HECA: variants seen among roughly 807,000 people sequenced by gnomAD.
HECA encodes headcase protein homolog.
HECA carries 13 observed loss-of-function variants against 37.6 expected under a neutral mutation model. The ratio of observed to expected loss-of-function variants is 0.35; its 90% CI spans 0.23 to 0.55. The LOEUF (loss-of-function observed/expected upper bound fraction) is 0.55. Among genes scored for constraint, HECA ranks in the 20% least tolerant of loss-of-function variants. The probability of loss-of-function intolerance (pLI) is 0.90; values close to 1 mark genes in which losing one functional copy is unlikely to be tolerated. For synonymous variants in HECA, 307 were observed against 291.5 expected, an observed-to-expected ratio of 1.05 and a Z score of -0.54; for missense variants, 527 against 701.9, an observed-to-expected ratio of 0.75 and a Z score of 2.82.
At chr6:139,138,909 C>G (rs1774482479) in intron 1 of HECA, among the ~76,000 whole-genome samples, 1 of 152,130 alleles carries the variant, frequency 6.6e-6, no homozygotes, top group Non-Finnish European at 1.5e-5. Context: ...TGCAGGTATA[C>G]AAGATTACCA....
Position 139,143,859 on chromosome 6 carries a change from C to CA in HECA, c.271+8211dup, listed in dbSNP as rs59382752. Among the ~76,000 whole-genome samples the CA allele has an allele frequency of 4.5e-3, 606 of 135,326 alleles. 1 individual carries two copies. The highest frequency in any genetic ancestry group is 0.019 in the South Asian group (77 of 4,156). 88.8% of individuals were successfully genotyped at this position (135,326 alleles called of 152,430 possible). A position where few individuals can be genotyped will look rare whatever the true frequency, so the allele number is the denominator to read the frequency against. ...CTGGTGACAGAGCGAGACTCTGTCT[C>CA]AAAAAAAAAAAAAAAAAAAGAAAGA... On this transcript the variant is annotated intron_variant, in intron 1 of 3. Coordinates refer to ENST00000367658, the MANE Select transcript of HECA (RefSeq NM_016217.3).
rs1774421607 is a variant in HECA at position 139,135,558 on chromosome 6, G to T, written c.162G>T (p.Ala54=). The change falls in exon 1 of 4, where the codon GCG becomes GCT. Residue 54 remains alanine, a synonymous_variant. Transcript: ENST00000367658. ...CGGCGGCCGGTTGCGGGGCGGCGGC[G>T]GCGGGCGCGCCGGGCGCCGGAGGCG... ...LAAAAGCGAA[A]AGAPGAGGAA... 2 of 974,966 alleles carry T rather than the reference G, an allele frequency of 2.1e-6. No homozygotes were observed. Among genetic ancestry groups the T allele is most frequent in the South Asian group, 4.7e-5 (1 of 21,148 alleles). 60.4% of individuals were successfully genotyped at this position (974,966 alleles called of 1,614,324 possible).
At chr6:139,152,096 C>A (rs189858405) in intron 1 of HECA, among the ~76,000 whole-genome samples, 1 of 152,250 alleles carries the variant, frequency 6.6e-6, no homozygotes, top group Admixed American at 6.5e-5. Flanking sequence ...TATCTTCATC[C>A]TGATGTTCAG....
intron 3 of HECA, 188 bp downstream of exon 3, chr6:139,174,727 T>C (rs1426353469): frequency 1.6e-5 from 12 of 735,102 alleles, no homozygotes; most frequent in Non-Finnish European, 2.3e-5. Context: ...TAGAATAATA[T>C]ATAATTATGT....
At chr6:139,162,043 A>G (rs1353372681) in intron 1 of HECA, among the ~76,000 whole-genome samples, 2 of 152,144 alleles carry the variant, frequency 1.3e-5, no homozygotes, top group Admixed American at 6.5e-5. Context: ...TTGGTGAGCC[A>G]GTATCTTTAA....
Position 139,180,261 on chromosome 6 carries a change from T to C in HECA, c.*3156T>C, listed in dbSNP as rs1205665052. 2 of 152,380 alleles carry C rather than the reference T, an allele frequency of 1.3e-5. No individual in the cohort carries two copies. The highest frequency in any genetic ancestry group is 2.9e-5 in the Non-Finnish European group (2 of 68,036). 9.4% of individuals were successfully genotyped at this position (152,380 alleles called of 1,614,324 possible). A position where few individuals can be genotyped will look rare whatever the true frequency, so the allele number is the denominator to read the frequency against. On this transcript the variant is annotated 3_prime_UTR_variant, in exon 4 of 4. Transcript: ENST00000367658. ...CATCTAAAAAGAATCTTATTAGGTA[T>C]TTGAACTCTAAAACTAACAGATAAG...
chr6:139,174,382 C>G lies in HECA; in HGVS notation c.1313-3C>G, dbSNP rs766942880. On this transcript the variant is annotated splice_region_variant and splice_polypyrimidine_tract_variant and intron_variant, in intron 2 of 3. Coordinates refer to ENST00000367658, the MANE Select transcript of HECA (RefSeq NM_016217.3). Reference sequence around the variant, plus strand: ...CTCAGAGCCTTGTGTCTTCTGTGCACAGGGAGACTCATGCATCTGTATGCC... The same window carrying G: ...CTCAGAGCCTTGTGTCTTCTGTGCAGAGGGAGACTCATGCATCTGTATGCC... 6.2e-7 allele frequency: 1 copy of G among 1,612,820 alleles called. No individual in the cohort carries two copies. Among genetic ancestry groups the G allele is most frequent in the Non-Finnish European group, 8.5e-7 (1 of 1,179,356 alleles).
chr6:139,166,299 C>T lies in HECA; in HGVS notation c.287C>T (p.Thr96Ile). The T allele has an allele frequency of 6.2e-6, 10 of 1,601,500 alleles. No homozygotes were observed. The highest frequency in any genetic ancestry group is 8.5e-6 in the Non-Finnish European group (10 of 1,172,012). ...GDAKNEAPCA[T>I]PLICSFGRPV... ...CCTCCCCCAGAAGCCCCATGTGCCACTCCCCTGATCTGCAGCTTCGGTAGG... is the reference window on the plus strand; with the variant it reads ...CCTCCCCCAGAAGCCCCATGTGCCATTCCCCTGATCTGCAGCTTCGGTAGG... Residue 96 changes from threonine to isoleucine, a missense_variant, in exon 2 of 4, where the codon ACT becomes ATT. Thr to Ile is a moderately conservative substitution (Grantham distance 89). Coordinates refer to ENST00000367658, the MANE Select transcript of HECA (RefSeq NM_016217.3).
In HECA at chr6:139,179,843, G is replaced by A. The variant is rs1449055676; in HGVS notation, c.*2738G>A. On this transcript the variant is annotated 3_prime_UTR_variant, in exon 4 of 4. Coordinates refer to ENST00000367658, the MANE Select transcript of HECA (RefSeq NM_016217.3). The stretch of plus-strand genomic sequence containing the variant: ...ATCCAATTTGTTTTTCTGATGAATA[G>A]TGTTCAGTAAAATGAAGCAGTCTTA... 2.6e-5 allele frequency: 4 copies of A among 152,172 alleles called. No individual in the cohort carries two copies. Among genetic ancestry groups the A allele is most frequent in the Non-Finnish European group, 4.4e-5 (3 of 68,012 alleles). 9.4% of individuals were successfully genotyped at this position (152,172 alleles called of 1,614,324 possible). A position where few individuals can be genotyped will look rare whatever the true frequency, so the allele number is the denominator to read the frequency against.
chr6:139,169,068 G>C (rs182273665), intron 2 of HECA, among the ~76,000 whole-genome samples: 114 of 152,092 alleles, frequency 7.5e-4, no homozygotes, highest in African/African-American at 2.6e-3. Context: ...TCTATTTGTC[G>C]TGCTTTCTGT....
chr6:139,165,106 T>C (rs774171431), intron 1 of HECA, among the ~76,000 whole-genome samples: 1 of 152,122 alleles, frequency 6.6e-6, no homozygotes, highest in Non-Finnish European at 1.5e-5. Context: ...CTTCAAAAAA[T>C]CTCTATAAGG....
chr6:139,157,161 C>G (rs1774728219), intron 1 of HECA, among the ~76,000 whole-genome samples: 1 of 152,174 alleles, frequency 6.6e-6, no homozygotes, highest in African/African-American at 2.4e-5. Flanking sequence ...CCTGACGTTG[C>G]CATGGCATTT....
chr6:139,141,271 A>AT (rs1443321311), intron 1 of HECA, among the ~76,000 whole-genome samples: 1 of 152,048 alleles, frequency 6.6e-6, no homozygotes, highest in Non-Finnish European at 1.5e-5. Context: ...GCAGCCTTAA[A>AT]TTTTTTTTCT....
At chr6:139,165,998 T>G in intron 1 of HECA, 1 of 307,234 alleles carries the variant, frequency 3.3e-6, no homozygotes, top group Non-Finnish European at 5.9e-6. Flanking sequence ...GAAATCGGTA[T>G]GAGACCGTCT....
intron 1 of HECA, among the ~76,000 whole-genome samples, chr6:139,160,693 C>T (rs983405699): frequency 2.6e-5 from 4 of 152,184 alleles, no homozygotes; most frequent in East Asian, 1.9e-4. Flanking sequence ...GAATTACAGG[C>T]GTGAGCCACT....
intron 1 of HECA, among the ~76,000 whole-genome samples, chr6:139,146,805 A>C (rs936884521): frequency 4.6e-5 from 7 of 152,240 alleles, no homozygotes; most frequent in African/African-American, 1.2e-4. Flanking sequence ...ATCCGTTCTT[A>C]CTGGGCAGTG....
chr6:139,166,106 G>C, intron 1 of HECA, 178 bp from the exon 2 acceptor site: 1 of 568,308 alleles, frequency 1.8e-6, no homozygotes, highest in Non-Finnish European at 3.1e-6. Context: ...GGTTGGTTAA[G>C]TAGCTTCATC....
chr6:139,137,053 A>G (rs1230973033), intron 1 of HECA, among the ~76,000 whole-genome samples: 1 of 152,212 alleles, frequency 6.6e-6, no homozygotes, highest in Non-Finnish European at 1.5e-5. Flanking sequence ...TCTCTGCAAT[A>G]TTGAAATAGG....
intron 3 of HECA, 144 bp downstream of exon 3, chr6:139,174,683 G>C: frequency 8.3e-7 from 1 of 1,205,482 alleles, no homozygotes; most frequent in South Asian, 1.6e-5. Flanking sequence ...TAGTCATTTA[G>C]TGGAATACTA....
Sources: gnomAD v4.1 joint callset for allele counts (sites outside exome capture counted in the v4.1 genomes callset) on GRCh38, gnomAD v4.1.1 for gene constraint, MANE v1.5 for transcripts, NCBI Gene and HGNC (gene_info 2026-07-23, HGNC 2026-07-21) for gene names.